SEC24B: variants seen among roughly 807,000 people sequenced by gnomAD.
SEC24B encodes SEC24 homolog B, COPII component, also known as protein transport protein Sec24B.
SEC24B carries 45 observed loss-of-function variants against 142.8 expected under a neutral mutation model. That is an observed-to-expected ratio of 0.32 (90% CI 0.25 to 0.40). SEC24B has a LOEUF of 0.40. Ranked by LOEUF, SEC24B falls within the 10% of genes least tolerant of loss-of-function variation. The pLI is 1.00. For missense variants in SEC24B, 1,409 were observed against 1,526.8 expected (o/e 0.92, Z 1.29); for synonymous variants, 574 against 568.2 (o/e 1.01, Z -0.15).
intron 1 of SEC24B, among the ~76,000 whole-genome samples, chr4:109,437,104 T>C (rs1453233832): frequency 6.6e-6 from 1 of 152,180 alleles, no homozygotes; most frequent in Non-Finnish European, 1.5e-5. Context: ...AGCCATCTTG[T>C]GGGACTGAAC....
At position 109,530,371 on chromosome 4, in the gene SEC24B, T is replaced by C; in HGVS notation, c.3159T>C (p.Tyr1053=). The C allele has an allele frequency of 6.2e-7, 1 of 1,614,144 alleles. No individual in the cohort carries two copies. ...CTGTAGTGGACTCATTGTCTGCATATGGCTCAACTGTCTCAAATTTACAGC... is the reference window on the plus strand; with the variant it reads ...CTGTAGTGGACTCATTGTCTGCATACGGCTCAACTGTCTCAAATTTACAGC... ...VNAVVDSLSA[Y]GSTVSNLQHS... is the part of the protein sequence containing the mutation. Residue 1053 remains tyrosine (Y), a synonymous_variant, in exon 19 of 24, where the codon TAT becomes TAC. Transcript: ENST00000265175.
rs1430315328 is a variant in SEC24B at position 109,506,450 on chromosome 4, T to A, written c.1611T>A (p.Thr537=). Residue 537 remains threonine, a synonymous_variant, in exon 7 of 24, where the codon ACT becomes ACA. Coordinates refer to ENST00000265175, the MANE Select transcript of SEC24B (RefSeq NM_006323.5). ...AGGAGAGGAATATTTTACCTATGAC[T>A]CCTGTTTGGGCTCCTGTACCTAACT... ...LTQERNILPM[T]PVWAPVPNLN... is the part of the protein sequence containing the mutation. 3 of 1,609,212 alleles carry A rather than the reference T, an allele frequency of 1.9e-6. No homozygotes were observed. Among genetic ancestry groups the A allele is most frequent in the Non-Finnish European group, 2.5e-6 (3 of 1,177,488 alleles).
chr4:109,512,446 G>A (rs1419840660), intron 9 of SEC24B, among the ~76,000 whole-genome samples: 1 of 152,178 alleles, frequency 6.6e-6, no homozygotes, highest in Non-Finnish European at 1.5e-5. Context: ...ATGCATGCAT[G>A]TATATATGTC....
intron 1 of SEC24B, chr4:109,449,342 G>C (rs956599873): frequency 8.6e-6 from 3 of 347,320 alleles, no homozygotes; most frequent in Non-Finnish European, 1.7e-5. Flanking sequence ...TCCCACCTCA[G>C]CCTCCCAAGT....
At chr4:109,444,844 ATC>A (rs1338444708) in intron 1 of SEC24B, among the ~76,000 whole-genome samples, 3 of 152,230 alleles carry the variant, frequency 2.0e-5, no homozygotes, top group African/African-American at 4.8e-5. Flanking sequence ...TGTCAGAATC[ATC>A]TGTTTCCCTC....
chr4:109,506,292 A>C (rs1385182648), intron 6 of SEC24B, 36 bp from the exon 7 acceptor site: 20 of 1,415,044 alleles, frequency 1.4e-5, no homozygotes, highest in Non-Finnish European at 1.8e-5. Flanking sequence ...TTTATGTTTT[A>C]TTGTTCTTTT....
intron 3 of SEC24B, among the ~76,000 whole-genome samples, chr4:109,477,778 G>T (rs868400466): frequency 6.6e-6 from 1 of 151,996 alleles, no homozygotes; most frequent in Admixed American, 6.6e-5. Flanking sequence ...TCACTTGTTG[G>T]TAAATATTTT....
chr4:109,446,013 A>G (rs1254580882), intron 1 of SEC24B, among the ~76,000 whole-genome samples: 2 of 145,288 alleles, frequency 1.4e-5, no homozygotes, highest in Non-Finnish European at 3.0e-5. Context: ...ATTGGGGTGC[A>G]TTTTAGAATC....
chr4:109,483,066 A>T (rs796554467), intron 4 of SEC24B, among the ~76,000 whole-genome samples: 6 of 112,222 alleles, frequency 5.3e-5, no homozygotes, highest in South Asian at 3.0e-4. Context: ...TTATATATAT[A>T]TATATATGTA....
intron 14 of SEC24B, among the ~76,000 whole-genome samples, chr4:109,523,337 A>G (rs1432034387): frequency 6.6e-6 from 1 of 151,974 alleles, no homozygotes; most frequent in Non-Finnish European, 1.5e-5. Context: ...GGGTGCGGTG[A>G]TGCAAGCCTG....
chr4:109,488,290 G>A (rs370774752), intron 4 of SEC24B, among the ~76,000 whole-genome samples: 5 of 152,010 alleles, frequency 3.3e-5, no homozygotes, highest in Non-Finnish European at 5.9e-5. Context: ...ACAACCACAC[G>A]CAGCTCTAGG....
intron 1 of SEC24B, among the ~76,000 whole-genome samples, chr4:109,459,749 AT>A: frequency 6.6e-6 from 1 of 152,292 alleles, no homozygotes; most frequent in Middle Eastern, 3.4e-3. Flanking sequence ...TTGGGACATA[AT>A]GATTATTTCT....
At chr4:109,447,264 A>G (rs1729565332) in intron 1 of SEC24B, among the ~76,000 whole-genome samples, 1 of 152,158 alleles carries the variant, frequency 6.6e-6, no homozygotes, top group Non-Finnish European at 1.5e-5. Context: ...CAGCCTTTTC[A>G]TACTCATGGC....
intron 6 of SEC24B, among the ~76,000 whole-genome samples, chr4:109,496,711 C>G (rs1735577135): frequency 6.6e-6 from 1 of 152,094 alleles, no homozygotes; most frequent in South Asian, 2.1e-4. Context: ...AACTAAAGTA[C>G]AGAGGAAAAA....
Position 109,527,327 on chromosome 4 carries a change from C to T in SEC24B, c.2971C>T (p.Arg991Trp), listed in dbSNP as rs1249296456. ...TTCAATGACTTTTTTTTTAGGTGAG[C>T]GGAGAATTAGAGTACATACACTTTG... ...ALLYTSSKGE[R>W]RIRVHTLCLP... is the part of the protein sequence containing the mutation. Residue 991 changes from arginine to tryptophan, a missense_variant, in exon 18 of 24, where the codon CGG (arginine) becomes TGG (tryptophan). Transcript: ENST00000265175. 2 of 1,592,816 alleles carry T rather than the reference C, an allele frequency of 1.3e-6. No individual in the cohort carries two copies. Among genetic ancestry groups the T allele is most frequent in the Non-Finnish European group, 1.7e-6 (2 of 1,169,278 alleles).
At position 109,527,385 on chromosome 4, in the gene SEC24B, A is replaced by T; in HGVS notation, c.3029A>T (p.Tyr1010Phe). The T allele has an allele frequency of 6.2e-7, 1 of 1,613,878 alleles. No individual in the cohort carries two copies. The highest frequency in any genetic ancestry group is 8.5e-7 in the Non-Finnish European group (1 of 1,179,842). Residue 1010 changes from tyrosine to phenylalanine, a missense_variant, in exon 18 of 24, where the codon TAT becomes TTT. Coordinates refer to ENST00000265175, the MANE Select transcript of SEC24B (RefSeq NM_006323.5). Reference sequence around the variant, plus strand: ...GTGGTAAGTTCACTAGCAGATGTATATGCGGGAGTGGATGTACAAGCTGCC... The same window carrying T: ...GTGGTAAGTTCACTAGCAGATGTATTTGCGGGAGTGGATGTACAAGCTGCC... ...LPVVSSLADV[Y>F]AGVDVQAAIC...
At chr4:109,499,645 G>A (rs911380193) in intron 6 of SEC24B, among the ~76,000 whole-genome samples, 1 of 152,180 alleles carries the variant, frequency 6.6e-6, no homozygotes, top group African/African-American at 2.4e-5. Context: ...GTCAACTATT[G>A]ACTTTGTAGC....
chr4:109,498,045 C>G (rs1348135069), intron 6 of SEC24B, among the ~76,000 whole-genome samples: 1 of 152,132 alleles, frequency 6.6e-6, no homozygotes, highest in Non-Finnish European at 1.5e-5. Flanking sequence ...TGTCCAGTAC[C>G]AGGCTTGGTT....
At chr4:109,533,566 T>C in intron 21 of SEC24B, 27 bp from the exon 22 acceptor site, 1 of 1,405,660 alleles carries the variant, frequency 7.1e-7, no homozygotes, top group Non-Finnish European at 1.0e-6. Flanking sequence ...TAGGGAGTTT[T>C]AATATTTTGT....
Sources: gnomAD v4.1 joint callset for allele counts (sites outside exome capture counted in the v4.1 genomes callset) on GRCh38, gnomAD v4.1.1 for gene constraint, MANE v1.5 for transcripts, NCBI Gene and HGNC (gene_info 2026-07-23, HGNC 2026-07-21) for gene names.